The following SEMA5A variants were observed in gnomAD, a reference collection of about 807,000 sequenced individuals.
SEMA5A encodes semaphorin 5A, also known as semaphorin-5A.
Under a neutral mutation model 135.5 loss-of-function variants are expected in SEMA5A, and 55 were observed. The ratio of observed to expected loss-of-function variants is 0.41; its 90% CI spans 0.33 to 0.51. SEMA5A has a LOEUF of 0.51. Ranked by LOEUF, SEMA5A falls within the 20% of genes least tolerant of loss-of-function variation. The probability of loss-of-function intolerance (pLI) is 0.37; values close to 1 mark genes in which losing one functional copy is unlikely to be tolerated. For missense variants in SEMA5A, 1,290 were observed against 1,419.9 expected (o/e 0.91, Z 1.47); for synonymous variants, 580 against 546.5 (o/e 1.06, Z -0.85).
At chr5:9,051,053 T>A (rs765421178) in intron 20 of SEMA5A, among the ~76,000 whole-genome samples, 1 of 152,240 alleles carries the variant, frequency 6.6e-6, no homozygotes, top group African/African-American at 2.4e-5. Context: ...CATTCTTTCC[T>A]GTACTGATTT....
At chr5:9,447,717 C>A (rs1429305039) in intron 1 of SEMA5A, among the ~76,000 whole-genome samples, 1 of 152,176 alleles carries the variant, frequency 6.6e-6, no homozygotes, top group East Asian at 1.9e-4. Flanking sequence ...GAGAAATAAG[C>A]TACAACACAA....
At chr5:9,349,874 C>G (rs1754036730) in intron 3 of SEMA5A, among the ~76,000 whole-genome samples, 1 of 152,086 alleles carries the variant, frequency 6.6e-6, no homozygotes, top group Non-Finnish European at 1.5e-5. Context: ...TGCACTCCAG[C>G]CCGGGCAACT....
intron 1 of SEMA5A, among the ~76,000 whole-genome samples, chr5:9,514,586 T>C (rs1736404289): frequency 6.6e-6 from 1 of 152,178 alleles, no homozygotes; most frequent in South Asian, 2.1e-4. Flanking sequence ...TTAAATTATC[T>C]CTAGATTACT....
At position 9,300,000 on chromosome 5, in the gene SEMA5A, G is replaced by T. The variant is rs144080156; in HGVS notation, c.270+18372C>A. 2.7e-3 allele frequency among the ~76,000 whole-genome samples: 402 copies of T among 150,146 alleles called. 1 individual carries two copies. Among genetic ancestry groups the T allele is most frequent in the African/African-American group, 9.5e-3 (390 of 41,112 alleles). On this transcript the variant is annotated intron_variant, in intron 5 of 22. Transcript: ENST00000382496. ...ATGACATCCAAAACACGAACAAAAA[G>T]AAAACTGAAATTCTGCCCTCTTGTT...
intron 5 of SEMA5A, among the ~76,000 whole-genome samples, chr5:9,296,634 A>C (rs1233855546): frequency 1.3e-5 from 2 of 152,140 alleles, no homozygotes; most frequent in East Asian, 3.8e-4. Flanking sequence ...GTTACCTGTT[A>C]TTCTCTAATT....
chr5:9,190,542 A>C, intron 10 of SEMA5A, 71 bp from the exon 11 acceptor site: 1 of 1,427,850 alleles, frequency 7.0e-7, no homozygotes, highest in Non-Finnish European at 9.8e-7. Flanking sequence ...TGGCCACCCT[A>C]GCTGGAAAGT....
chr5:9,320,830 C>T (rs998612209), intron 4 of SEMA5A, among the ~76,000 whole-genome samples: 3 of 152,158 alleles, frequency 2.0e-5, no homozygotes, highest in African/African-American at 4.8e-5. Flanking sequence ...CGCATTTCAA[C>T]ATTAGCCAAG....
chr5:9,238,730 G>C (rs1229075201), intron 5 of SEMA5A, among the ~76,000 whole-genome samples: 1 of 151,592 alleles, frequency 6.6e-6, no homozygotes, highest in Non-Finnish European at 1.5e-5. Context: ...TCATTGTATA[G>C]AGTGTGAACT....
intron 3 of SEMA5A, among the ~76,000 whole-genome samples, chr5:9,349,679 C>A (rs938929992): frequency 6.6e-6 from 1 of 152,038 alleles, no homozygotes; most frequent in African/African-American, 2.4e-5. Flanking sequence ...GAGGGTGGTT[C>A]ACTTGAGGTC....
intron 9 of SEMA5A, among the ~76,000 whole-genome samples, chr5:9,198,647 C>T (rs546633007): frequency 3.9e-5 from 6 of 152,102 alleles, no homozygotes; most frequent in Non-Finnish European, 7.3e-5. Context: ...CAGGGCCTGG[C>T]GCTGGAAAAT....
chr5:9,313,742 C>A (rs1412167434), intron 5 of SEMA5A, among the ~76,000 whole-genome samples: 1 of 152,144 alleles, frequency 6.6e-6, no homozygotes, highest in Non-Finnish European at 1.5e-5. Context: ...GAGGTGTTGT[C>A]TCCAGTGAAA....
At position 9,044,458 on chromosome 5, in the gene SEMA5A, T is replaced by TG. The variant is rs1285565318; in HGVS notation, c.3019dup (p.His1007ProfsTer9). 6.2e-7 allele frequency: 1 copy of TG among 1,613,676 alleles called. No individual in the cohort carries two copies. The highest frequency in any genetic ancestry group is 1.1e-5 in the South Asian group (1 of 91,026). On this transcript the variant is annotated frameshift_variant, in exon 22 of 23. Transcript: ENST00000382496. LOFTEE classifies it high-confidence loss of function. ...ATTAAGGGGGGCAGGTGAGACGGGG[T>TG]GGATGACAGTCGCATCGTGGGATTG...
At chr5:9,255,271 C>T (rs920995257) in intron 5 of SEMA5A, among the ~76,000 whole-genome samples, 3 of 152,154 alleles carry the variant, frequency 2.0e-5, no homozygotes, top group Middle Eastern at 3.2e-3. Context: ...AGGAATGGAA[C>T]AAGAAGTCAC....
chr5:9,064,834 G>GA (rs1448817693), intron 17 of SEMA5A, among the ~76,000 whole-genome samples: 2 of 152,126 alleles, frequency 1.3e-5, no homozygotes, highest in African/African-American at 2.4e-5. Context: ...ACTTGTACTA[G>GA]AAAAAAACTT....
chr5:9,170,657 G>A (rs1398366828), intron 11 of SEMA5A, among the ~76,000 whole-genome samples: 1 of 152,004 alleles, frequency 6.6e-6, no homozygotes, highest in African/African-American at 2.4e-5. Context: ...GAGGGCACAG[G>A]GAGAAGGTAG....
intron 3 of SEMA5A, among the ~76,000 whole-genome samples, chr5:9,354,478 C>A (rs934242101): frequency 2.0e-5 from 3 of 152,124 alleles, no homozygotes; most frequent in Admixed American, 1.3e-4. Flanking sequence ...TGGTGTTTGT[C>A]ATGGTGAACT....
At chr5:9,384,142 G>A (rs1755729045) in intron 2 of SEMA5A, among the ~76,000 whole-genome samples, 2 of 152,170 alleles carry the variant, frequency 1.3e-5, no homozygotes, top group South Asian at 4.1e-4. Flanking sequence ...GGCATTCATA[G>A]TCTTCATGCA....
At chr5:9,427,722 T>A (rs934945486) in intron 2 of SEMA5A, among the ~76,000 whole-genome samples, 1 of 152,218 alleles carries the variant, frequency 6.6e-6, no homozygotes, top group African/African-American at 2.4e-5. Context: ...CACATGTGTA[T>A]GTAGCACCAA....
chr5:9,314,404 A>G (rs911893586), intron 5 of SEMA5A, among the ~76,000 whole-genome samples: 1 of 151,208 alleles, frequency 6.6e-6, no homozygotes, highest in Non-Finnish European at 1.5e-5. Context: ...ACAGATCATT[A>G]ATTTCTTACA....
Sources: allele counts gnomAD v4.1 joint callset (sites outside exome capture counted in the v4.1 genomes callset), GRCh38; gene constraint gnomAD v4.1.1; transcripts MANE v1.5; gene names NCBI Gene and HGNC (gene_info 2026-07-23, HGNC 2026-07-21).